CCDC195: variants seen among roughly 807,000 people sequenced by gnomAD.
CCDC195 encodes the protein coiled-coil domain-containing protein 195.
intron 2 of CCDC195, among the ~76,000 whole-genome samples, chr2:224,708,011 T>TCTTCCTTCCTTC (rs58888531): frequency 1.2e-5 from 1 of 84,822 alleles, no homozygotes; most frequent in African/African-American, 5.3e-5. Context: ...TTCCTTCCTT[T>TCTTCCTTCCTTC]CTTCCTTCCT....
In CCDC195 at chr2:224,708,221, G is replaced by A. The variant is rs554214945; in HGVS notation, c.482+1752C>T. Reference sequence around the variant, plus strand: ...ATGATAAAACTTTTTGAATCTATTGGTGCATGTAACATTAATTTCTGAATA... The same window carrying A: ...ATGATAAAACTTTTTGAATCTATTGATGCATGTAACATTAATTTCTGAATA... On this transcript the variant is annotated intron_variant, in intron 2 of 2. Transcript: ENST00000638102. Among the ~76,000 whole-genome samples the A allele has an allele frequency of 2.0e-5, 3 of 152,186 alleles. No homozygotes were observed. The South Asian group carries it at 6.2e-4, about 32-fold the overall frequency.
At chr2:224,706,659 C>T (rs1472759697) in intron 2 of CCDC195, among the ~76,000 whole-genome samples, 1 of 150,578 alleles carries the variant, frequency 6.6e-6, no homozygotes, top group Admixed American at 6.6e-5. Flanking sequence ...TACAGGTGCC[C>T]ACCACCACGC....
chr2:224,709,157 C>T (rs768100613), intron 2 of CCDC195, among the ~76,000 whole-genome samples: 17 of 137,902 alleles, frequency 1.2e-4, no homozygotes, highest in African/African-American at 1.9e-4. Context: ...GGTACTATCT[C>T]GGCTCACTGC....
intron 2 of CCDC195, among the ~76,000 whole-genome samples, chr2:224,705,683 A>G (rs1697232445): frequency 6.6e-6 from 1 of 152,212 alleles, no homozygotes; most frequent in Non-Finnish European, 1.5e-5. Flanking sequence ...TATAAAAGAC[A>G]CATTTAAAAA....
intron 2 of CCDC195, among the ~76,000 whole-genome samples, chr2:224,708,449 T>C (rs1438390664): frequency 6.6e-6 from 1 of 152,190 alleles, no homozygotes; most frequent in Non-Finnish European, 1.5e-5. Flanking sequence ...GCTTCTTCTA[T>C]CCTCATGTCT....
chr2:224,707,444 GAGTTCTCTCTTT>G (rs761265040), intron 2 of CCDC195, among the ~76,000 whole-genome samples: 10 of 152,258 alleles, frequency 6.6e-5, no homozygotes, highest in Non-Finnish European at 7.4e-5. Context: ...AATGCCTAGA[GAGTTCTCTCTTT>G]AGCCTTGATC....
At chr2:224,708,981 T>C (rs1415239166) in intron 2 of CCDC195, among the ~76,000 whole-genome samples, 1 of 152,092 alleles carries the variant, frequency 6.6e-6, no homozygotes, top group Admixed American at 6.6e-5. Flanking sequence ...TTAGGCTTGA[T>C]GTTAGAGGAC....
At chr2:224,709,589 G>A (rs1689288682) in intron 2 of CCDC195, among the ~76,000 whole-genome samples, 1 of 152,188 alleles carries the variant, frequency 6.6e-6, no homozygotes, top group Non-Finnish European at 1.5e-5. Context: ...AAGTAACTGT[G>A]CCTACTCCCT....
intron 1 of CCDC195, among the ~76,000 whole-genome samples, chr2:224,711,135 TGTCTTGGCCTTA>T (rs1689314218): frequency 1.3e-5 from 2 of 152,314 alleles, no homozygotes; most frequent in South Asian, 2.1e-4. Context: ...TATGATTGCA[TGTCTTGGCCTTA>T]GTTGGGACAG....
At position 224,712,222 on chromosome 2, in the gene CCDC195, A is replaced by G. The variant is rs570838698; in HGVS notation, c.236-2003T>C. ...CACAGCATCACAGGCTCATTAGAAC[A>G]TTTTCAAAGATCACAGCCAAATGCA... On this transcript the variant is annotated intron_variant, in intron 1 of 2. Coordinates refer to ENST00000638102, the Ensembl canonical transcript of CCDC195. Among the ~76,000 whole-genome samples, 5 of 152,300 alleles carry G rather than the reference A, an allele frequency of 3.3e-5. No individual in the cohort carries two copies. The South Asian group carries it at 1.0e-3, about 32-fold the overall frequency.
intron 2 of CCDC195, 77 bp from the exon 3 acceptor site, chr2:224,703,964 C>T (rs1486695179): frequency 5.0e-6 from 2 of 397,092 alleles, no homozygotes; most frequent in African/African-American, 4.1e-5. Flanking sequence ...TTTTTCCCCC[C>T]AATCACCAGA....
In CCDC195 at chr2:224,714,059, C is replaced by T. The variant is rs147273376; in HGVS notation, c.235+2072G>A. 2.3e-3 allele frequency among the ~76,000 whole-genome samples: 349 copies of T among 152,152 alleles called. 5 individuals are homozygous for T. The highest frequency in any genetic ancestry group is 7.6e-3 in the African/African-American group (315 of 41,514). On this transcript the variant is annotated intron_variant, in intron 1 of 2. Coordinates refer to ENST00000638102, the Ensembl canonical transcript of CCDC195. The stretch of plus-strand genomic sequence containing the variant: ...CTCACTATGATGCCTAGGCCAATCT[C>T]GAACTCCTGTCCTTAAGTGATCCTC...
At chr2:224,705,938 G>A (rs185029945) in intron 2 of CCDC195, among the ~76,000 whole-genome samples, 1 of 151,982 alleles carries the variant, frequency 6.6e-6, no homozygotes, top group Admixed American at 6.6e-5. Flanking sequence ...ATGTTGGTTA[G>A]GTTCCCATAC....
intron 2 of CCDC195, among the ~76,000 whole-genome samples, chr2:224,708,011 TCTTC>T (rs58888531): frequency 1.4e-3 from 119 of 84,812 alleles, no homozygotes; most frequent in African/African-American, 5.5e-3. Flanking sequence ...TTCCTTCCTT[TCTTC>T]CTTCCTTCCT....
intron 2 of CCDC195, among the ~76,000 whole-genome samples, chr2:224,708,772 A>AT (rs1331120380): frequency 1.3e-5 from 2 of 151,896 alleles, no homozygotes; most frequent in Non-Finnish European, 2.9e-5. Context: ...TATTTTTTGC[A>AT]TTTTCTCTTT....
At chr2:224,704,966 C>G (rs1469309500) in intron 2 of CCDC195, among the ~76,000 whole-genome samples, 1 of 152,106 alleles carries the variant, frequency 6.6e-6, no homozygotes, top group African/African-American at 2.4e-5. Context: ...GCCAGTGCTT[C>G]CAAGCACTGG....
At chr2:224,708,336 A>G (rs542772502) in intron 2 of CCDC195, among the ~76,000 whole-genome samples, 1 of 152,320 alleles carries the variant, frequency 6.6e-6, no homozygotes, top group Admixed American at 6.5e-5. Flanking sequence ...TTCACGATAA[A>G]GCATATATTC....
intron 2 of CCDC195, 131 bp from the exon 3 acceptor site, chr2:224,704,018 TA>T (rs1010589543): frequency 7.6e-6 from 3 of 393,560 alleles, no homozygotes; most frequent in African/African-American, 6.2e-5. Flanking sequence ...TATATCATGA[TA>T]TTTTTTGTTA....
exon 2 of CCDC195, chr2:224,710,187 A>C (rs1689298118): frequency 2.5e-6 from 1 of 398,516 alleles, no homozygotes; most frequent in Admixed American, 4.4e-5. Flanking sequence ...ACTGATGATG[A>C]AATGGAATAG....
Sources: gnomAD v4.1 joint callset for allele counts (sites outside exome capture counted in the v4.1 genomes callset) on GRCh38, gnomAD v4.1.1 for gene constraint, MANE v1.5 for transcripts, NCBI Gene and HGNC (gene_info 2026-07-23, HGNC 2026-07-21) for gene names.